Variants in CDH18 observed in about 807,000 individuals in gnomAD.
CDH18 encodes the protein cadherin-18.
CDH18 carries 31 observed loss-of-function variants against 67.9 expected under a neutral mutation model. That is an observed-to-expected ratio of 0.46 (90% CI 0.34 to 0.62). The LOEUF is 0.62. Ranked by LOEUF, CDH18 falls within the 20% of genes least tolerant of loss-of-function variation. The pLI, the probability that CDH18 is intolerant of heterozygous loss-of-function variation, is 0.01. For synonymous variants in CDH18, 362 were observed against 347.2 expected (o/e 1.04, Z -0.48); for missense variants, 890 against 975.5 (o/e 0.91, Z 1.17).
At chr5:20,303,984 G>C (rs1370219172) in intron 1 of CDH18, 1 of 928,260 alleles carries the variant, frequency 1.1e-6, no homozygotes, top group African/African-American at 1.6e-5. Flanking sequence ...GAAAAACTAA[G>C]TCGAAGGGAT....
intron 1 of CDH18, among the ~76,000 whole-genome samples, chr5:19,982,735 A>G (rs1799179753): frequency 6.6e-6 from 1 of 152,128 alleles, no homozygotes; most frequent in African/African-American, 2.4e-5. Flanking sequence ...CATTGGTTTC[A>G]GAAATTCTTT....
chr5:19,895,241 G>A (rs1473910646), intron 2 of CDH18, among the ~76,000 whole-genome samples: 1 of 152,128 alleles, frequency 6.6e-6, no homozygotes, highest in East Asian at 1.9e-4. Context: ...GTAGATTTTT[G>A]ATGGAATGTC....
chr5:20,463,400 A>C (rs1478170450), intron 1 of CDH18, among the ~76,000 whole-genome samples: 1 of 152,082 alleles, frequency 6.6e-6, no homozygotes, highest in Admixed American at 6.5e-5. Context: ...ATGTAGAAAT[A>C]CCCGAGACTG....
At chr5:20,090,019 C>G (rs1319837548) in intron 2 of CDH18, among the ~76,000 whole-genome samples, 1 of 152,036 alleles carries the variant, frequency 6.6e-6, no homozygotes, top group African/African-American at 2.4e-5. Context: ...AAGTGTTTGA[C>G]TTGTCAGTAA....
chr5:19,731,231 C>T (rs540117895), intron 4 of CDH18, among the ~76,000 whole-genome samples: 150 of 152,168 alleles, frequency 9.9e-4, no homozygotes, highest in Non-Finnish European at 1.7e-3. Flanking sequence ...GGGTGGATCA[C>T]GAGGTCAGAA....
chr5:19,968,025 C>G (rs1341242645), intron 2 of CDH18, among the ~76,000 whole-genome samples: 2 of 150,682 alleles, frequency 1.3e-5, no homozygotes, highest in African/African-American at 2.5e-5. Flanking sequence ...ACAAAAATCA[C>G]AAGCATTCTT....
chr5:19,862,183 T>C (rs1581690345), intron 2 of CDH18, among the ~76,000 whole-genome samples: 2 of 146,106 alleles, frequency 1.4e-5, no homozygotes. Flanking sequence ...ATTATTACTA[T>C]ACATTTGATA....
At chr5:20,096,882 T>C (rs1746032639) in intron 2 of CDH18, among the ~76,000 whole-genome samples, 1 of 151,984 alleles carries the variant, frequency 6.6e-6, no homozygotes, top group Non-Finnish European at 1.5e-5. Flanking sequence ...ATGGTACATA[T>C]CCATTAGTTA....
chr5:19,756,525 T>C (rs558360706), intron 3 of CDH18, among the ~76,000 whole-genome samples: 1 of 152,316 alleles, frequency 6.6e-6, no homozygotes, highest in East Asian at 1.9e-4. Flanking sequence ...GGAATGATAA[T>C]ACTAAGAGAC....
At chr5:20,391,150 T>G (rs891217399) in intron 1 of CDH18, among the ~76,000 whole-genome samples, 4 of 151,674 alleles carry the variant, frequency 2.6e-5, no homozygotes, top group Admixed American at 6.6e-5. Context: ...AATAAAAAAT[T>G]AAAAATAAAG....
At chr5:19,854,958 A>T (rs6451492) in intron 2 of CDH18, among the ~76,000 whole-genome samples, 62 of 144,914 alleles carry the variant, frequency 4.3e-4, no homozygotes, top group African/African-American at 3.3e-4. Context: ...TTTTTTTTCT[A>T]GTTCCCTAAA....
intron 2 of CDH18, among the ~76,000 whole-genome samples, chr5:20,049,505 C>A (rs1009066760): frequency 6.6e-6 from 1 of 151,464 alleles, no homozygotes; most frequent in African/African-American, 2.4e-5. Context: ...GATATTAAAA[C>A]GTACATAAAA....
intron 3 of CDH18, among the ~76,000 whole-genome samples, chr5:19,754,142 G>A (rs566737875): frequency 2.6e-5 from 4 of 152,104 alleles, no homozygotes; most frequent in African/African-American, 9.6e-5. Context: ...ATTATGAATG[G>A]AATGGTACCT....
At chr5:20,459,810 T>G (rs888891165) in intron 1 of CDH18, among the ~76,000 whole-genome samples, 1 of 152,316 alleles carries the variant, frequency 6.6e-6, no homozygotes, top group Admixed American at 6.5e-5. Context: ...TTACCTTTCC[T>G]CTTGTTCCAA....
intron 5 of CDH18, among the ~76,000 whole-genome samples, chr5:19,691,603 A>G (rs1181075964): frequency 6.6e-6 from 1 of 151,912 alleles, no homozygotes; most frequent in African/African-American, 2.4e-5. Context: ...TGAGCTAGCT[A>G]AAAAAGAAAT....
chr5:20,452,308 C>G (rs1312475121), intron 1 of CDH18, among the ~76,000 whole-genome samples: 1 of 151,972 alleles, frequency 6.6e-6, no homozygotes, highest in African/African-American at 2.4e-5. Context: ...CTCACTTCTT[C>G]CATAAAGAAA....
Position 19,480,351 on chromosome 5 carries a change from TTTTATTTATTTA to T in CDH18, c.1882+2938_1882+2949del, listed in dbSNP as rs70950071. Among the ~76,000 whole-genome samples, 1,250 of 145,464 alleles carry T rather than the reference TTTTATTTATTTA, an allele frequency of 8.6e-3. 7 individuals are homozygous for T. The highest frequency in any genetic ancestry group is 0.015 in the Non-Finnish European group (970 of 66,254). ...CTGACCAATAAATATATAAAGTTTA[TTTTATTTATTTA>T]TTTATTTATTTATTTATTTATTTAT... On this transcript the variant is annotated intron_variant, in intron 12 of 12. Transcript: ENST00000382275.
At chr5:20,270,158 TAA>T (rs72464138) in intron 1 of CDH18, among the ~76,000 whole-genome samples, 1 of 149,178 alleles carries the variant, frequency 6.7e-6, no homozygotes, top group South Asian at 2.1e-4. Context: ...TTTCTTTGTT[TAA>T]AAAAAAAAGA....
intron 2 of CDH18, among the ~76,000 whole-genome samples, chr5:20,133,897 T>C (rs775399489): frequency 3.9e-5 from 6 of 152,176 alleles, no homozygotes; most frequent in Non-Finnish European, 7.3e-5. Flanking sequence ...ATTTATTCTG[T>C]TCTGCTCTCT....
Sources: gnomAD v4.1 joint callset for allele counts (sites outside exome capture counted in the v4.1 genomes callset) on GRCh38, gnomAD v4.1.1 for gene constraint, MANE v1.5 for transcripts, NCBI Gene and HGNC (gene_info 2026-07-23, HGNC 2026-07-21) for gene names.